The following GALNT13 variants were observed in gnomAD, a reference collection of about 807,000 sequenced individuals.
GALNT13 encodes the protein polypeptide N-acetylgalactosaminyltransferase 13.
A neutral mutation model predicts 64.2 loss-of-function variants in GALNT13; 28 were observed. That is an observed-to-expected ratio of 0.44 (90% CI 0.32 to 0.60). GALNT13 has a LOEUF of 0.60. GALNT13 is among the 20% of genes least tolerant of loss of function. GALNT13 has a pLI of 0.05. For missense variants in GALNT13, 577 were observed against 669.8 expected (o/e 0.86, Z 1.53); for synonymous variants, 214 against 224.6 (o/e 0.95, Z 0.42).
At chr2:153,620,057 A>C in the GALNT13 span, among the ~76,000 whole-genome samples, 1 of 151,926 alleles carries the variant, frequency 6.6e-6, no homozygotes, top group Non-Finnish European at 1.5e-5. Flanking sequence ...ATCTTTCTCT[A>C]TCTCTTCTTT....
chr2:153,100,275 C>T, the GALNT13 span, among the ~76,000 whole-genome samples: 1 of 152,182 alleles, frequency 6.6e-6, no homozygotes, highest in South Asian at 2.1e-4. Flanking sequence ...ATGTGGATTT[C>T]CCAGATAATG....
At chr2:153,786,162 A>G in the GALNT13 span, among the ~76,000 whole-genome samples, 1 of 152,036 alleles carries the variant, frequency 6.6e-6, no homozygotes, top group Admixed American at 6.5e-5. Flanking sequence ...GTAACTCACC[A>G]CTTCAATCAG....
At chr2:153,926,616 G>C (rs1045691024) in intron 2 of GALNT13, among the ~76,000 whole-genome samples, 2 of 152,078 alleles carry the variant, frequency 1.3e-5, no homozygotes, top group Admixed American at 6.6e-5. Context: ...CTTAAATCAG[G>C]CTTCGTTTTA....
the GALNT13 span, among the ~76,000 whole-genome samples, chr2:153,459,231 C>CA: frequency 6.6e-6 from 1 of 151,644 alleles, no homozygotes; most frequent in East Asian, 1.9e-4. Flanking sequence ...CAAATGCCAA[C>CA]AAAAAAATTA....
At chr2:153,743,601 C>T in the GALNT13 span, among the ~76,000 whole-genome samples, 4 of 152,014 alleles carry the variant, frequency 2.6e-5, no homozygotes, top group African/African-American at 9.7e-5. Flanking sequence ...TTGATACAGG[C>T]ATGCAAAGAA....
chr2:153,783,439 GAA>G, the GALNT13 span, among the ~76,000 whole-genome samples: 3 of 152,056 alleles, frequency 2.0e-5, no homozygotes, highest in African/African-American at 7.2e-5. Context: ...TCCCAGATGA[GAA>G]TGTATACCAG....
chr2:153,752,614 C>T, the GALNT13 span, among the ~76,000 whole-genome samples: 2 of 152,096 alleles, frequency 1.3e-5, no homozygotes, highest in African/African-American at 2.4e-5. Context: ...TGTTGCCAGA[C>T]ATATTGGATC....
intron 3 of GALNT13, among the ~76,000 whole-genome samples, chr2:154,067,227 A>G (rs1192635831): frequency 6.6e-6 from 1 of 152,062 alleles, no homozygotes; most frequent in African/African-American, 2.4e-5. Flanking sequence ...AAGGAAAGAA[A>G]GAAGACCACA....
the GALNT13 span, among the ~76,000 whole-genome samples, chr2:153,459,345 AGTAGT>A: frequency 6.6e-6 from 1 of 152,090 alleles, no homozygotes; most frequent in Non-Finnish European, 1.5e-5. Flanking sequence ...TGCCAGGCAC[AGTAGT>A]GTGTGTCTGT....
chr2:153,705,810 C>G, the GALNT13 span, among the ~76,000 whole-genome samples: 1 of 152,030 alleles, frequency 6.6e-6, no homozygotes, highest in Non-Finnish European at 1.5e-5. Flanking sequence ...AGTCACATGG[C>G]AAAGGTCATG....
At chr2:154,449,292 A>G (rs775859479) in intron 12 of GALNT13, among the ~76,000 whole-genome samples, 24 of 151,744 alleles carry the variant, frequency 1.6e-4, no homozygotes, top group Non-Finnish European at 3.1e-4. Flanking sequence ...ATCATTTCTT[A>G]CAACAGTGCA....
intron 1 of GALNT13, among the ~76,000 whole-genome samples, chr2:153,878,951 A>G (rs2105231374): frequency 6.6e-6 from 1 of 152,268 alleles, no homozygotes; most frequent in Non-Finnish European, 1.5e-5. Flanking sequence ...TGTAAATCCA[A>G]ATTACCTTGA....
At chr2:153,773,955 T>C in the GALNT13 span, among the ~76,000 whole-genome samples, 1 of 152,158 alleles carries the variant, frequency 6.6e-6, no homozygotes. Flanking sequence ...CCATGAACAC[T>C]ATATTAATGT....
the GALNT13 span, among the ~76,000 whole-genome samples, chr2:153,264,160 A>T: frequency 6.6e-6 from 1 of 152,266 alleles, no homozygotes; most frequent in Non-Finnish European, 1.5e-5. Context: ...AAAAGAAGAC[A>T]TACAAGTGGA....
intron 11 of GALNT13, among the ~76,000 whole-genome samples, chr2:154,430,205 T>C (rs1463388020): frequency 1.3e-5 from 2 of 152,190 alleles, no homozygotes; most frequent in African/African-American, 2.4e-5. Context: ...ATTCCTGTAA[T>C]AGATCTGGGC....
At chr2:153,311,121 T>C in the GALNT13 span, among the ~76,000 whole-genome samples, 1 of 152,180 alleles carries the variant, frequency 6.6e-6, no homozygotes, top group Non-Finnish European at 1.5e-5. Context: ...AATACAAATT[T>C]TAAACAATGT....
chr2:154,337,572 G>A (rs1695526974), intron 9 of GALNT13, among the ~76,000 whole-genome samples: 1 of 151,834 alleles, frequency 6.6e-6, no homozygotes, highest in Non-Finnish European at 1.5e-5. Flanking sequence ...TAACATTTTA[G>A]TGCTTAGCAT....
At chr2:153,163,177 TTCATAA>T in the GALNT13 span, among the ~76,000 whole-genome samples, 1 of 152,206 alleles carries the variant, frequency 6.6e-6, no homozygotes, top group African/African-American at 2.4e-5. Context: ...GAAGTTTGTC[TTCATAA>T]TAAAATAAGG....
the GALNT13 span, among the ~76,000 whole-genome samples, chr2:153,454,193 G>T: frequency 1.3e-5 from 2 of 152,102 alleles, no homozygotes; most frequent in Non-Finnish European, 2.9e-5. Context: ...TGGGTGACAA[G>T]ATCAATTGTA....
Sources: gnomAD v4.1 joint callset for allele counts (sites outside exome capture counted in the v4.1 genomes callset) on GRCh38, gnomAD v4.1.1 for gene constraint, MANE v1.5 for transcripts, NCBI Gene and HGNC (gene_info 2026-07-23, HGNC 2026-07-21) for gene names.